The following TTC6 variants were observed in gnomAD, a reference collection of about 807,000 sequenced individuals.
TTC6 encodes tetratricopeptide repeat protein 6.
TTC6 carries 172 observed loss-of-function variants against 210.4 expected under a neutral mutation model. The ratio of observed to expected loss-of-function variants is 0.82; its 90% CI spans 0.72 to 0.93. The LOEUF is 0.93. TTC6 is among the 40% of genes least tolerant of loss of function. The pLI is 0.00. For synonymous variants in TTC6, 804 were observed against 819.6 expected (o/e 0.98, Z 0.32); for missense variants, 2,414 against 2,318.1 (o/e 1.04, Z -0.85).
At chr14:37,673,808 T>A (rs761770818) in intron 1 of TTC6, among the ~76,000 whole-genome samples, 1 of 152,180 alleles carries the variant, frequency 6.6e-6, no homozygotes, top group Non-Finnish European at 1.5e-5. Context: ...TGGATTCTGT[T>A]ACATGCCATA....
At chr14:37,677,981 T>A (rs890304884) in intron 1 of TTC6, among the ~76,000 whole-genome samples, 1 of 152,160 alleles carries the variant, frequency 6.6e-6, no homozygotes, top group Non-Finnish European at 1.5e-5. Context: ...TATTTGCTAA[T>A]TCTGAAATGT....
At chr14:37,712,781 C>T (rs921080474) in intron 5 of TTC6, among the ~76,000 whole-genome samples, 11 of 152,190 alleles carry the variant, frequency 7.2e-5, no homozygotes, top group Admixed American at 1.3e-4. Context: ...CACCGGGTCC[C>T]TCCCACAACA....
Position 37,665,623 on chromosome 14 carries a change from C to T in TTC6, c.940-14528C>T, listed in dbSNP as rs1217702337. 5.3e-5 allele frequency among the ~76,000 whole-genome samples: 8 copies of T among 150,402 alleles called. 2 individuals carry two copies. Among genetic ancestry groups the T allele is most frequent in the Non-Finnish European group, 7.5e-5 (5 of 67,036 alleles). On this transcript the variant is annotated intron_variant, in intron 1 of 30. Transcript: ENST00000553443. ...CGTTTACCTGTATAACAAACCTGCA[C>T]GTCCTGCACATGTACCCATGAACTT...
chr14:37,770,364 C>G (rs2096013987), intron 14 of TTC6, among the ~76,000 whole-genome samples: 2 of 152,180 alleles, frequency 1.3e-5, no homozygotes, highest in African/African-American at 2.4e-5. Context: ...TCCTTGTTGA[C>G]TTTCTGTCTC....
chr14:37,689,249 G>A (rs937415660), intron 3 of TTC6, among the ~76,000 whole-genome samples: 3 of 151,912 alleles, frequency 2.0e-5, no homozygotes, highest in Non-Finnish European at 4.4e-5. Context: ...TTAAAGACAG[G>A]CTATTTGAAA....
chr14:37,599,534 A>G (rs540119216), intron 1 of TTC6, among the ~76,000 whole-genome samples: 1 of 151,782 alleles, frequency 6.6e-6, no homozygotes, highest in East Asian at 2.0e-4. Flanking sequence ...CTTTTCCCCT[A>G]CTCCTGCCTG....
chr14:37,598,535 C>T lies in TTC6; in HGVS notation c.-235+2527C>T, dbSNP rs2139202359. Among the ~76,000 whole-genome samples, 1 of 152,330 alleles carries T rather than the reference C, an allele frequency of 6.6e-6. No individual in the cohort carries two copies. Among genetic ancestry groups the T allele is most frequent in the Admixed American group, 6.5e-5 (1 of 15,308 alleles). On this transcript the variant is annotated intron_variant, in intron 1 of 2. Transcript: ENST00000556845. The surrounding 1 kb of genome is among the most constrained non-coding windows in gnomAD (Gnocchi z 4.9). ...CCTGAGCGGCACTCGGTCCTTTGAC[C>T]ACGCTTGGCTGCCTCAGCTTACACT...
intron 14 of TTC6, among the ~76,000 whole-genome samples, chr14:37,779,428 A>G (rs922714393): frequency 9.9e-5 from 15 of 152,036 alleles, no homozygotes; most frequent in Admixed American, 5.2e-4. Flanking sequence ...ATATACTTTT[A>G]GGTGGATCAT....
intron 4 of TTC6, among the ~76,000 whole-genome samples, chr14:37,698,082 T>G (rs911132540): frequency 6.6e-6 from 1 of 152,114 alleles, no homozygotes; most frequent in Non-Finnish European, 1.5e-5. Flanking sequence ...AATTAGAAAT[T>G]TTCATTAGTG....
At chr14:37,808,176 T>C (rs1214471718) in intron 23 of TTC6, among the ~76,000 whole-genome samples, 5 of 152,214 alleles carry the variant, frequency 3.3e-5, no homozygotes, top group Non-Finnish European at 7.3e-5. Flanking sequence ...TCTTTGTAGC[T>C]ATTTTATATG....
At chr14:37,832,072 G>C (rs2096186586) in intron 29 of TTC6, among the ~76,000 whole-genome samples, 2 of 151,964 alleles carry the variant, frequency 1.3e-5, no homozygotes, top group South Asian at 4.2e-4. Flanking sequence ...TATAATTTCA[G>C]GTTTTACAGT....
At chr14:37,749,289 T>C (rs2095944996) in exon 11 of TTC6, 1 of 1,524,004 alleles carries the variant, frequency 6.6e-7, no homozygotes. Flanking sequence ...GTGAAGATTT[T>C]GACTGAAGAA....
chr14:37,827,049 C>A, intron 28 of TTC6, 147 bp from the exon 31 acceptor site: 1 of 586,254 alleles, frequency 1.7e-6, no homozygotes, highest in African/African-American at 1.9e-5. Flanking sequence ...ACTCCTTTCT[C>A]AAAATATTTG....
upstream of TTC6, among the ~76,000 whole-genome samples, chr14:37,621,674 C>CCA (rs1233242345): frequency 6.6e-6 from 1 of 152,126 alleles, no homozygotes; most frequent in African/African-American, 2.4e-5. Context: ...AGGCCTCAGG[C>CCA]CACAGTTTGT....
chr14:37,724,294 G>A (rs960890803), intron 6 of TTC6, among the ~76,000 whole-genome samples: 2 of 151,396 alleles, frequency 1.3e-5, no homozygotes, highest in African/African-American at 2.4e-5. Context: ...AGATGTATTC[G>A]TGAGCCTAAC....
At chr14:37,669,039 A>AATAGCTTG (rs2095753591) in intron 1 of TTC6, among the ~76,000 whole-genome samples, 1 of 152,214 alleles carries the variant, frequency 6.6e-6, no homozygotes, top group Admixed American at 6.5e-5. Flanking sequence ...ACCTTGACTG[A>AATAGCTTG]ATAGCTTGAT....
chr14:37,702,867 A>C (rs894892505), intron 5 of TTC6, among the ~76,000 whole-genome samples: 2 of 152,186 alleles, frequency 1.3e-5, no homozygotes, highest in Non-Finnish European at 2.9e-5. Context: ...TTGAATCCCT[A>C]AAAGAAGGTC....
chr14:37,761,496 C>T (rs935102975), intron 14 of TTC6, among the ~76,000 whole-genome samples: 9 of 151,960 alleles, frequency 5.9e-5, no homozygotes, highest in Admixed American at 5.9e-4. Context: ...AAGCTTATAT[C>T]CAGAAAAGTG....
At chr14:37,683,557 T>TAG (rs558904136) in intron 3 of TTC6, among the ~76,000 whole-genome samples, 38 of 151,590 alleles carry the variant, frequency 2.5e-4, no homozygotes, top group Non-Finnish European at 5.0e-4. Context: ...ATAAGATATT[T>TAG]AGAGAGAGAG....
Sources: gnomAD v4.1 joint callset for allele counts (sites outside exome capture counted in the v4.1 genomes callset) on GRCh38, gnomAD v4.1.1 for gene constraint, Gnocchi (gnomAD v3.1) non-coding constraint, MANE v1.5 for transcripts, NCBI Gene and HGNC (gene_info 2026-07-23, HGNC 2026-07-21) for gene names.